Variants in LPIN1 observed in about 807,000 individuals in gnomAD.
The protein encoded by LPIN1 is lipin 1.
Under a neutral mutation model 107.5 loss-of-function variants are expected in LPIN1, and 71 were observed. The ratio of observed to expected loss-of-function variants is 0.66; its 90% CI spans 0.55 to 0.80. LPIN1 has a LOEUF of 0.80. LPIN1 is among the 30% of genes least tolerant of loss of function. The pLI, the probability that LPIN1 is intolerant of heterozygous loss-of-function variation, is 0.00. For synonymous variants in LPIN1, 445 were observed against 452.6 expected, an observed-to-expected ratio of 0.98 and a Z score of 0.21; for missense variants, 1,043 against 1,160.6, an observed-to-expected ratio of 0.90 and a Z score of 1.47.
At chr2:11,797,274 A>G (rs1342942726) in intron 14 of LPIN1, among the ~76,000 whole-genome samples, 1 of 152,218 alleles carries the variant, frequency 6.6e-6, no homozygotes, top group African/African-American at 2.4e-5. Context: ...CAGCGTCTCC[A>G]TCTGTGAAAT....
At chr2:11,823,085 G>T (rs1681826353) in intron 20 of LPIN1, 1 of 152,286 alleles carries the variant, frequency 6.6e-6, no homozygotes, top group Non-Finnish European at 1.5e-5. Flanking sequence ...TTGTCATTCA[G>T]AACTGGGACA....
chr2:11,689,754 A>G (rs953276565), intron 1 of LPIN1, among the ~76,000 whole-genome samples: 3 of 152,162 alleles, frequency 2.0e-5, no homozygotes, highest in African/African-American at 4.8e-5. Context: ...AAATACAAAA[A>G]AATAGCTGAG....
intron 8 of LPIN1, among the ~76,000 whole-genome samples, chr2:11,782,783 C>T (rs1236944736): frequency 6.6e-6 from 1 of 152,216 alleles, no homozygotes; most frequent in Admixed American, 6.5e-5. Context: ...TCCTTTCCAG[C>T]ACACCATGGG....
chr2:11,785,972 C>G (rs1011718096), intron 10 of LPIN1, among the ~76,000 whole-genome samples: 2 of 152,196 alleles, frequency 1.3e-5, no homozygotes, highest in African/African-American at 4.8e-5. Flanking sequence ...TAATACCCAG[C>G]CTCACTGTGT....
chr2:11,818,131 C>T (rs1680909797), intron 18 of LPIN1: 1 of 152,190 alleles, frequency 6.6e-6, no homozygotes, highest in South Asian at 2.1e-4. Flanking sequence ...TCCTCACCTT[C>T]CCAGCATCGG....
In LPIN1 at chr2:11,824,782, C is replaced by T. The variant is rs1170382598; in HGVS notation, c.2772C>T (p.Ala924=). The T allele has an allele frequency of 3.7e-6, 6 of 1,614,074 alleles. No homozygotes were observed. The highest frequency in any genetic ancestry group is 5.1e-6 in the Non-Finnish European group (6 of 1,180,048). The part of the protein sequence containing the change: ...PPFENQDIHS[A]SA ...TTGAAAACCAGGACATTCATTCTGC[C>T]TCAGCGTAAAATGTCCCAAGCAGCC... Residue 924 remains alanine (A), a synonymous_variant, in exon 21 of 21, where the codon GCC becomes GCT. Coordinates refer to ENST00000674199, the MANE Select transcript of LPIN1 (RefSeq NM_001349206.2).
At chr2:11,798,126 T>C (rs1470284001) in intron 14 of LPIN1, among the ~76,000 whole-genome samples, 1 of 152,218 alleles carries the variant, frequency 6.6e-6, no homozygotes, top group African/African-American at 2.4e-5. Context: ...GCTTTTCCTT[T>C]GCCTTCAGCC....
At chr2:11,678,865 T>C (rs1661563306) in intron 1 of LPIN1, among the ~76,000 whole-genome samples, 1 of 152,170 alleles carries the variant, frequency 6.6e-6, no homozygotes, top group Non-Finnish European at 1.5e-5. Context: ...AACATCCCTC[T>C]ACATGATGGG....
chr2:11,718,124 G>T (rs1420734678), intron 2 of LPIN1, among the ~76,000 whole-genome samples: 3 of 152,166 alleles, frequency 2.0e-5, no homozygotes, highest in Non-Finnish European at 1.5e-5. Flanking sequence ...CCTCACTGGA[G>T]CCACTGTGAC....
intron 1 of LPIN1, among the ~76,000 whole-genome samples, chr2:11,758,830 A>T (rs1226955058): frequency 6.6e-6 from 1 of 152,122 alleles, no homozygotes. Context: ...TGTCTTTGCC[A>T]TGGGGGGAGC....
Position 11,767,900 on chromosome 2 carries a change from G to A in LPIN1, c.288+42G>A, listed in dbSNP as rs879096498. On this transcript the variant is annotated intron_variant, in intron 3 of 20. Coordinates refer to ENST00000674199, the MANE Select transcript of LPIN1 (RefSeq NM_001349206.2). ...GGTCAGGGTTACTTCCTAGTTTTGA[G>A]CTTTGAGTAATGGTTATCTGGAAAC... 4.8e-6 allele frequency: 6 copies of A among 1,240,158 alleles called. No individual in the cohort carries two copies. The South Asian group carries it at 7.2e-5, about 15-fold the overall frequency. The allele number at this position is 1,240,158 out of a possible 1,614,324, so 76.8% of individuals were successfully genotyped here. A position where few individuals can be genotyped will look rare whatever the true frequency, so the allele number is the denominator to read the frequency against.
chr2:11,765,232 A>ATGATGGGCCCTGATGGACCC lies in LPIN1; in HGVS notation c.-9-294_-9-275dup. On this transcript the variant is annotated intron_variant, in intron 1 of 20. Coordinates refer to ENST00000674199, the MANE Select transcript of LPIN1 (RefSeq NM_001349206.2). The surrounding 1 kb of genome is among the most constrained non-coding windows in gnomAD (Gnocchi z 4.4). ...GGGCCATGATGGACACTGATGGGCC[A>ATGATGGGCCCTGATGGACCC]TGATGGGCCCTGATGGACCCTGATG... Among the ~76,000 whole-genome samples, 2 of 145,830 alleles carry ATGATGGGCCCTGATGGACCC rather than the reference A, an allele frequency of 1.4e-5. No individual in the cohort carries two copies. The highest frequency in any genetic ancestry group is 3.0e-5 in the Non-Finnish European group (2 of 66,632).
chr2:11,796,232 A>T (rs1453939115), intron 14 of LPIN1, among the ~76,000 whole-genome samples: 1 of 152,112 alleles, frequency 6.6e-6, no homozygotes, highest in African/African-American at 2.4e-5. Flanking sequence ...TCCACATCTT[A>T]CTCATTTTTG....
intron 1 of LPIN1, among the ~76,000 whole-genome samples, chr2:11,708,943 TA>T (rs936430420): frequency 3.9e-5 from 6 of 152,166 alleles, no homozygotes; most frequent in African/African-American, 1.4e-4. Flanking sequence ...TTATTATTGT[TA>T]TTATTGTTCC....
intron 13 of LPIN1, among the ~76,000 whole-genome samples, chr2:11,794,544 C>T (rs1676332291): frequency 6.6e-6 from 1 of 152,156 alleles, no homozygotes; most frequent in South Asian, 2.1e-4. Flanking sequence ...TTAGTTCATG[C>T]TAGTCATATG....
chr2:11,770,689 T>A (rs1451634330), intron 3 of LPIN1, among the ~76,000 whole-genome samples: 1 of 152,188 alleles, frequency 6.6e-6, no homozygotes, highest in East Asian at 1.9e-4. Flanking sequence ...AATGAGGCAT[T>A]CATTAATAAA....
In LPIN1 at chr2:11,776,205, AT is replaced by A; in HGVS notation, c.830+16del. On this transcript the variant is annotated intron_variant, in intron 6 of 20. Coordinates refer to ENST00000674199, the MANE Select transcript of LPIN1 (RefSeq NM_001349206.2). Reference sequence around the variant, plus strand: ...CATCCTTCGGAAAGGTAGAGGAGTTATTTTCCCCATTGGGATATATTCAATA... The same window carrying A: ...CATCCTTCGGAAAGGTAGAGGAGTTATTTCCCCATTGGGATATATTCAATA... 6.8e-7 allele frequency: 1 copy of A among 1,478,432 alleles called. No homozygotes were observed. 91.6% of individuals were successfully genotyped at this position (1,478,432 alleles called of 1,614,324 possible).
chr2:11,708,402 A>C (rs1347558142), intron 1 of LPIN1, among the ~76,000 whole-genome samples: 1 of 152,052 alleles, frequency 6.6e-6, no homozygotes, highest in Non-Finnish European at 1.5e-5. Context: ...TCAACCTTCG[A>C]CTGGGAGGAA....
intron 7 of LPIN1, among the ~76,000 whole-genome samples, chr2:11,780,243 A>T (rs186228433): frequency 6.6e-6 from 1 of 152,294 alleles, no homozygotes; most frequent in Non-Finnish European, 1.5e-5. Flanking sequence ...ACTTACACAC[A>T]ATCTTGCTGT....
Sources: gnomAD v4.1 joint callset for allele counts (sites outside exome capture counted in the v4.1 genomes callset) on GRCh38, gnomAD v4.1.1 for gene constraint, Gnocchi (gnomAD v3.1) non-coding constraint, MANE v1.5 for transcripts, NCBI Gene and HGNC (gene_info 2026-07-23, HGNC 2026-07-21) for gene names.